The following ANKRD10 variants were observed in gnomAD, a reference collection of about 807,000 sequenced individuals.
The protein encoded by ANKRD10 is ankyrin repeat domain-containing protein 10.
A neutral mutation model predicts 27.0 loss-of-function variants in ANKRD10; 14 were observed. That is an observed-to-expected ratio of 0.52 (90% CI 0.34 to 0.81). The LOEUF is 0.81. Ranked by LOEUF, ANKRD10 falls within the 40% of genes least tolerant of loss-of-function variation. ANKRD10 has a pLI of 0.01. For synonymous variants in ANKRD10, 250 were observed against 224.5 expected, an observed-to-expected ratio of 1.11 and a Z score of -1.01; for missense variants, 493 against 544.0, an observed-to-expected ratio of 0.91 and a Z score of 0.93.
chr13:110,892,379 G>A (rs66467872), intron 4 of ANKRD10, among the ~76,000 whole-genome samples: 27,106 of 115,298 alleles, frequency 0.24, 3,172 homozygotes, highest in Middle Eastern at 0.42. Context: ...GCAGTGAGCC[G>A]AGATCACAGC....
At chr13:110,909,792 G>A (rs1019948279) in intron 2 of ANKRD10, among the ~76,000 whole-genome samples, 5 of 152,172 alleles carry the variant, frequency 3.3e-5, no homozygotes, top group Non-Finnish European at 7.3e-5. Flanking sequence ...TGAATCTTGG[G>A]AAAGAAAAGT....
rs1343132713 is a variant in ANKRD10, at chr13:110,879,811, G to C, written c.1089C>G (p.Ser363=). Residue 363 remains serine (S), a synonymous_variant, in exon 6 of 6, where the codon TCC becomes TCG. Transcript: ENST00000267339. ...SPSSCIASRP[S]WVEDIGDNLY... ...GGTTATCCCCAATGTCTTCCACCCA[G>C]GAAGGCCTACTGGCTATGCAGCTAC... 1 of 1,614,120 alleles carries C rather than the reference G, an allele frequency of 6.2e-7. No individual in the cohort carries two copies. Among genetic ancestry groups the C allele is most frequent in the Non-Finnish European group, 8.5e-7 (1 of 1,180,052 alleles).
At chr13:110,902,189 C>CA (rs2065404523) in intron 3 of ANKRD10, among the ~76,000 whole-genome samples, 1 of 151,142 alleles carries the variant, frequency 6.6e-6, no homozygotes, top group Non-Finnish European at 1.5e-5. Flanking sequence ...TTCTGATGGG[C>CA]AAAAAAATGA....
chr13:110,905,232 A>G (rs1306233185), intron 3 of ANKRD10: 1 of 152,248 alleles, frequency 6.6e-6, no homozygotes, highest in Non-Finnish European at 1.5e-5. Context: ...TAATGCTGTG[A>G]ACTGCAGAAG....
intron 4 of ANKRD10, among the ~76,000 whole-genome samples, chr13:110,884,070 G>A (rs2064868837): frequency 6.6e-6 from 1 of 152,074 alleles, no homozygotes; most frequent in African/African-American, 2.4e-5. Flanking sequence ...ACATTTAGAA[G>A]ACATGAAGTG....
chr13:110,906,745 G>T (rs1013053398), intron 2 of ANKRD10, among the ~76,000 whole-genome samples: 4 of 151,990 alleles, frequency 2.6e-5, no homozygotes, highest in African/African-American at 9.7e-5. Flanking sequence ...TTTATTAGAG[G>T]AAAGGGAGAA....
chr13:110,908,762 AGAGT>A lies in ANKRD10; in HGVS notation c.363+1852_363+1855del, dbSNP rs930065690. ...TGTTGAAATTCACCCACTACATAAT[AGAGT>A]GAGATGATGCCTCAGATTCGGATGT... On this transcript the variant is annotated intron_variant, in intron 2 of 5. Transcript: ENST00000267339. Among the ~76,000 whole-genome samples the A allele has an allele frequency of 3.2e-4, 49 of 152,324 alleles. No homozygotes were observed. The Middle Eastern group carries it at 0.01, about 32-fold the overall frequency.
At chr13:110,885,062 TGATTA>T (rs2064891788) in intron 4 of ANKRD10, among the ~76,000 whole-genome samples, 1 of 152,100 alleles carries the variant, frequency 6.6e-6, no homozygotes, top group African/African-American at 2.4e-5. Context: ...GTCAGAAGTC[TGATTA>T]GGTAGGAGGC....
In ANKRD10 at chr13:110,914,988, G is replaced by T. The variant is rs1222592054; in HGVS notation, c.-54C>A. ...CTGGCCTAGAGGACGCGTCGGGGAG[G>T]ACTCGAGAAGCCGCCGCCGCAGCAC... is the stretch of plus-strand genomic sequence containing the variant. On this transcript the variant is annotated 5_prime_UTR_variant, in exon 1 of 6. Coordinates refer to ENST00000267339, the MANE Select transcript of ANKRD10 (RefSeq NM_017664.4). 2.7e-6 allele frequency: 4 copies of T among 1,497,210 alleles called. No homozygotes were observed. The African/African-American group carries it at 4.2e-5, about 16-fold the overall frequency. The allele number at this position is 1,497,210 out of a possible 1,614,324, so 92.7% of individuals were successfully genotyped here. A position where few individuals can be genotyped will look rare whatever the true frequency, so the allele number is the denominator to read the frequency against.
intron 3 of ANKRD10, among the ~76,000 whole-genome samples, chr13:110,897,167 C>T (rs892711691): frequency 5.3e-5 from 8 of 152,006 alleles, no homozygotes; most frequent in Admixed American, 2.0e-4. Context: ...CTCCCTGTTG[C>T]CCCAGCTGGA....
chr13:110,886,782 G>C (rs1400480736), intron 4 of ANKRD10, among the ~76,000 whole-genome samples: 1 of 152,206 alleles, frequency 6.6e-6, no homozygotes, highest in East Asian at 1.9e-4. Context: ...AAGGTCATCA[G>C]TTTACTCAGT....
chr13:110,881,107 G>C (rs2064808683), intron 5 of ANKRD10, among the ~76,000 whole-genome samples: 1 of 152,160 alleles, frequency 6.6e-6, no homozygotes, highest in African/African-American at 2.4e-5. Context: ...TTGAGAATCA[G>C]TAATATTCAT....
chr13:110,888,959 G>A (rs1452970766), intron 4 of ANKRD10, among the ~76,000 whole-genome samples: 1 of 152,170 alleles, frequency 6.6e-6, no homozygotes, highest in Non-Finnish European at 1.5e-5. Context: ...TGAAATTGAA[G>A]TTATTGGGTC....
chr13:110,892,659 A>G, intron 4 of ANKRD10: 1 of 863,784 alleles, frequency 1.2e-6, no homozygotes, highest in Non-Finnish European at 1.4e-6. Context: ...GCCCAGGAAC[A>G]TTTACAAGAA....
chr13:110,879,373 A>G lies in ANKRD10; in HGVS notation c.*264T>C. 1 of 443,684 alleles carries G rather than the reference A, an allele frequency of 2.3e-6. No homozygotes were observed. 27.5% of individuals were successfully genotyped at this position (443,684 alleles called of 1,614,324 possible). ...TATCTGGTGACAGTATTAAAAAGACAATGTTGAGATTGGCATCAGAAAAAC... is the reference window on the plus strand; with the variant it reads ...TATCTGGTGACAGTATTAAAAAGACGATGTTGAGATTGGCATCAGAAAAAC... On this transcript the variant is annotated 3_prime_UTR_variant, in exon 6 of 6. Transcript: ENST00000267339.
At position 110,893,011 on chromosome 13, in the gene ANKRD10, C is replaced by T. The variant is rs770677572; in HGVS notation, c.691+17G>A. ...GGAAAAATAAGTGTGCTCTTCCCAC[C>T]CGCAAAGCGGTCTCACCTTCAGTTC... is the stretch of plus-strand genomic sequence containing the variant. On this transcript the variant is annotated intron_variant, in intron 4 of 5. Transcript: ENST00000267339. The T allele has an allele frequency of 3.1e-6, 5 of 1,612,494 alleles. No homozygotes were observed. In the East Asian group the frequency reaches 1.1e-4, roughly 36 times the overall value.
chr13:110,910,486 T>C (rs1450576228), intron 2 of ANKRD10, 132 bp downstream of exon 2: 5 of 1,189,230 alleles, frequency 4.2e-6, no homozygotes, highest in Middle Eastern at 2.0e-4. Context: ...TGAAGAAACA[T>C]AAATTCCAGT....
chr13:110,893,356 G>A (rs2138841252), intron 3 of ANKRD10, 93 bp from the exon 4 acceptor site: 3 of 1,222,170 alleles, frequency 2.5e-6, no homozygotes, highest in Non-Finnish European at 3.4e-6. Context: ...AAGGTGGTAT[G>A]AAAGAGTAAA....
intron 3 of ANKRD10, among the ~76,000 whole-genome samples, chr13:110,902,061 A>G (rs2065399440): frequency 6.6e-6 from 1 of 151,304 alleles, no homozygotes; most frequent in East Asian, 1.9e-4. Context: ...AAAAAAAAAA[A>G]AAAAAAAAAA....
Sources: gnomAD v4.1 joint callset for allele counts (sites outside exome capture counted in the v4.1 genomes callset) on GRCh38, gnomAD v4.1.1 for gene constraint, MANE v1.5 for transcripts, NCBI Gene and HGNC (gene_info 2026-07-23, HGNC 2026-07-21) for gene names.